Variants in PPFIBP1 observed in about 807,000 individuals in gnomAD.
The protein encoded by PPFIBP1 is liprin-beta-1.
PPFIBP1 carries 112 observed loss-of-function variants against 137.8 expected under a neutral mutation model. The ratio of observed to expected loss-of-function variants is 0.81; its 90% CI spans 0.70 to 0.95. The LOEUF (loss-of-function observed/expected upper bound fraction) is 0.95. PPFIBP1 is among the 40% of genes least tolerant of loss of function. PPFIBP1 has a pLI of 0.00. For missense variants in PPFIBP1, 1,083 were observed against 1,196.6 expected (o/e 0.91, Z 1.40); for synonymous variants, 378 against 417.3 (o/e 0.91, Z 1.15).
chr12:27,552,694 A>G (rs1224041167), intron 1 of PPFIBP1: 1 of 152,192 alleles, frequency 6.6e-6, no homozygotes, highest in Non-Finnish European at 1.5e-5. Flanking sequence ...AGTTAAAGAA[A>G]ACATTATTCA....
intron 2 of PPFIBP1, among the ~76,000 whole-genome samples, chr12:27,601,037 C>T (rs1388978004): frequency 6.6e-6 from 1 of 152,142 alleles, no homozygotes; most frequent in African/African-American, 2.4e-5. Context: ...ACTGTCATCA[C>T]CTTGCTATGC....
At chr12:27,542,524 T>G (rs1238244152) in intron 1 of PPFIBP1, among the ~76,000 whole-genome samples, 1 of 152,258 alleles carries the variant, frequency 6.6e-6, no homozygotes, top group Non-Finnish European at 1.5e-5. Flanking sequence ...AGCACCACTG[T>G]GCTCATTCAT....
intron 2 of PPFIBP1, among the ~76,000 whole-genome samples, chr12:27,589,735 G>A (rs774078435): frequency 1.1e-4 from 16 of 152,192 alleles, no homozygotes; most frequent in Non-Finnish European, 1.6e-4. Context: ...GGTTGAGTTC[G>A]TCCTAGAGCT....
intron 2 of PPFIBP1, among the ~76,000 whole-genome samples, chr12:27,611,812 C>A (rs1592842591): frequency 6.6e-6 from 1 of 151,992 alleles, no homozygotes; most frequent in Non-Finnish European, 1.5e-5. Flanking sequence ...CTCTCTCTCT[C>A]TCTCTCATTT....
At chr12:27,561,452 A>G (rs1035565976) in intron 1 of PPFIBP1, among the ~76,000 whole-genome samples, 1 of 152,180 alleles carries the variant, frequency 6.6e-6, no homozygotes, top group Non-Finnish European at 1.5e-5. Context: ...AATAATCTTT[A>G]TAACAACTAT....
At chr12:27,680,204 C>A in intron 21 of PPFIBP1, 143 bp downstream of exon 21, 2 of 1,198,546 alleles carry the variant, frequency 1.7e-6, no homozygotes, top group Non-Finnish European at 1.1e-6. Context: ...ATCTTTAGAG[C>A]CGTGCAATTT....
intron 2 of PPFIBP1, among the ~76,000 whole-genome samples, chr12:27,595,887 ATATATATAT>A (rs1410256974): frequency 1.4e-3 from 140 of 96,874 alleles, no homozygotes; most frequent in South Asian, 2.2e-3. Flanking sequence ...CAACAACAAA[ATATATATAT>A]ATATATATAT....
At chr12:27,559,358 G>A (rs58250821) in intron 1 of PPFIBP1, among the ~76,000 whole-genome samples, 42,102 of 151,702 alleles carry the variant, frequency 0.28, 6,274 homozygotes, top group East Asian at 0.43. Context: ...TAGTAGAGAC[G>A]GGGTTTCACC....
chr12:27,658,263 G>A (rs1445772838), intron 9 of PPFIBP1, among the ~76,000 whole-genome samples: 1 of 152,088 alleles, frequency 6.6e-6, no homozygotes, highest in Non-Finnish European at 1.5e-5. Context: ...TGTTACCAGT[G>A]CCCACCAGCT....
At chr12:27,682,249 A>G in intron 22 of PPFIBP1, 138 bp from the exon 23 acceptor site, 1 of 678,366 alleles carries the variant, frequency 1.5e-6, no homozygotes, top group Non-Finnish European at 2.6e-6. Context: ...ACAACACTTT[A>G]CTAGCCCAAG....
intron 2 of PPFIBP1, among the ~76,000 whole-genome samples, chr12:27,622,767 ATGTGTG>A (rs1402816309): frequency 6.6e-6 from 1 of 152,156 alleles, no homozygotes; most frequent in Admixed American, 6.5e-5. Context: ...TGTTGCAGGT[ATGTGTG>A]TGTGTATGTG....
At chr12:27,676,907 G>A (rs1305083174) in intron 18 of PPFIBP1, 157 bp from the exon 19 acceptor site, 1 of 896,396 alleles carries the variant, frequency 1.1e-6, no homozygotes, top group Non-Finnish European at 1.8e-6. Flanking sequence ...CATTGACGTT[G>A]AGCCTGTGTG....
intron 1 of PPFIBP1, among the ~76,000 whole-genome samples, chr12:27,529,420 G>A (rs764288510): frequency 2.5e-4 from 38 of 152,114 alleles, no homozygotes; most frequent in Non-Finnish European, 4.3e-4. Flanking sequence ...CAGGCTGGAC[G>A]CGATGGCTCA....
chr12:27,658,837 T>C lies in PPFIBP1; in HGVS notation c.833T>C (p.Leu278Pro). Residue 278 changes from leucine to proline, a missense_variant, in exon 10 of 30, where the codon CTC (leucine) becomes CCC (proline). Coordinates refer to ENST00000228425, the MANE Select transcript of PPFIBP1 (RefSeq NM_003622.4). Reference sequence around the variant, plus strand: ...ACAGATGAAAATTTTAAAAAGAAGCTCAAAGAAAAAAGTAAGGTTTGGTGC... The same window carrying C: ...ACAGATGAAAATTTTAAAAAGAAGCCCAAAGAAAAAAGTAAGGTTTGGTGC... ...VDRDENFKKK[L>P]KEKNIEVQKM... 6.2e-7 allele frequency: 1 copy of C among 1,612,936 alleles called. No individual in the cohort carries two copies. Among genetic ancestry groups the C allele is most frequent in the Non-Finnish European group, 8.5e-7 (1 of 1,179,276 alleles).
chr12:27,546,153 C>T (rs887862878), intron 1 of PPFIBP1, among the ~76,000 whole-genome samples: 7 of 152,116 alleles, frequency 4.6e-5, no homozygotes, highest in Admixed American at 2.6e-4. Flanking sequence ...GGGCTTGGTA[C>T]ACATGCCTGG....
At chr12:27,591,591 TG>T (rs1352879582) in intron 2 of PPFIBP1, among the ~76,000 whole-genome samples, 1 of 152,242 alleles carries the variant, frequency 6.6e-6, no homozygotes, top group Non-Finnish European at 1.5e-5. Flanking sequence ...ACAAGTTGTC[TG>T]GAGAGTTCCT....
At position 27,629,775 on chromosome 12, in the gene PPFIBP1, A is replaced by G. The variant is rs73082266; in HGVS notation, c.-35-3587A>G. Among the ~76,000 whole-genome samples, 1,363 of 152,300 alleles carry G rather than the reference A, an allele frequency of 8.9e-3. 27 individuals carry two copies. The highest frequency in any genetic ancestry group is 0.03 in the African/African-American group (1,267 of 41,566). Reference sequence around the variant, plus strand: ...CCTGAAAATTAACATAGCTTTGTCAACACAGATGCCTGATAAATTAGGCTG... The same window carrying G: ...CCTGAAAATTAACATAGCTTTGTCAGCACAGATGCCTGATAAATTAGGCTG... On this transcript the variant is annotated intron_variant, in intron 2 of 29. Coordinates refer to ENST00000228425, the MANE Select transcript of PPFIBP1 (RefSeq NM_003622.4).
chr12:27,600,047 A>ACTC (rs2053790768), intron 2 of PPFIBP1, among the ~76,000 whole-genome samples: 1 of 152,204 alleles, frequency 6.6e-6, no homozygotes, highest in South Asian at 2.1e-4. Context: ...ATGGCTGTGT[A>ACTC]AGAGGTTAAC....
chr12:27,528,408 A>G (rs1944021008), intron 1 of PPFIBP1, among the ~76,000 whole-genome samples: 1 of 152,170 alleles, frequency 6.6e-6, no homozygotes, highest in South Asian at 2.1e-4. Context: ...GTGTTATGTC[A>G]GTTATTTTTC....
Sources: gnomAD v4.1 joint callset for allele counts (sites outside exome capture counted in the v4.1 genomes callset) on GRCh38, gnomAD v4.1.1 for gene constraint, MANE v1.5 for transcripts, NCBI Gene and HGNC (gene_info 2026-07-23, HGNC 2026-07-21) for gene names.